ASCC1: variants seen among roughly 807,000 people sequenced by gnomAD.
ASCC1 encodes activating signal cointegrator 1 complex subunit 1, also known as ASC-1 complex subunit P50.
ASCC1 carries 35 observed loss-of-function variants against 46.6 expected under a neutral mutation model. The observed-to-expected ratio is 0.75, with a 90% CI of 0.57 to 0.99. The LOEUF (loss-of-function observed/expected upper bound fraction) is 0.99, where lower values mean the gene tolerates loss of function less well. ASCC1 is among the 50% of genes least tolerant of loss of function. ASCC1 has a pLI of 0.00. For synonymous variants in ASCC1, 143 were observed against 146.6 expected (o/e 0.98, Z 0.18); for missense variants, 376 against 428.7 (o/e 0.88, Z 1.09).
intron 9 of ASCC1, among the ~76,000 whole-genome samples, chr10:72,100,029 A>G (rs1841558967): frequency 2.0e-5 from 3 of 152,074 alleles, no homozygotes; most frequent in Admixed American, 1.3e-4. Context: ...TATTTATTTT[A>G]CCTTTGTAAG....
intron 9 of ASCC1, among the ~76,000 whole-genome samples, chr10:72,114,363 C>T (rs1212801289): frequency 2.0e-5 from 3 of 152,194 alleles, no homozygotes; most frequent in Admixed American, 6.5e-5. Context: ...TGGTGGCTCA[C>T]GCCTATAATC....
At chr10:72,160,717 A>T (rs924427901) in intron 6 of ASCC1, among the ~76,000 whole-genome samples, 45 of 151,230 alleles carry the variant, frequency 3.0e-4, no homozygotes, top group Admixed American at 2.4e-3. Context: ...ATAAAAATAA[A>T]AATAATAATA....
intron 8 of ASCC1, 146 bp downstream of exon 8, chr10:72,132,911 A>C: frequency 2.1e-6 from 2 of 937,360 alleles, no homozygotes; most frequent in Non-Finnish European, 1.6e-6. Flanking sequence ...GTTCTTGCCC[A>C]CCTCTACTAT....
chr10:72,121,529 AAAG>A (rs1177496784), intron 9 of ASCC1, among the ~76,000 whole-genome samples: 3 of 139,106 alleles, frequency 2.2e-5, no homozygotes, highest in Non-Finnish European at 4.4e-5. Context: ...AAAAAAAAAA[AAAG>A]AAAAGTAAAT....
chr10:72,133,233 T>C (rs1214877628), intron 7 of ASCC1, 52 bp from the exon 8 acceptor site: 1 of 1,589,908 alleles, frequency 6.3e-7, no homozygotes, highest in Non-Finnish European at 8.6e-7. Context: ...CTTCTGAACA[T>C]GCGATTACCA....
chr10:72,133,439 T>C (rs1845833268), intron 7 of ASCC1: 2 of 455,710 alleles, frequency 4.4e-6, no homozygotes, highest in East Asian at 9.2e-5. Flanking sequence ...CAACTCTACA[T>C]GGAGAGGGCC....
intron 5 of ASCC1, among the ~76,000 whole-genome samples, chr10:72,163,501 G>A (rs1182924236): frequency 9.2e-5 from 14 of 152,232 alleles, no homozygotes; most frequent in African/African-American, 1.7e-4. Context: ...TTGGGAGGCC[G>A]AGGCAGGCAG....
intron 9 of ASCC1, among the ~76,000 whole-genome samples, chr10:72,099,066 A>G (rs1287334925): frequency 6.6e-6 from 1 of 152,212 alleles, no homozygotes; most frequent in Non-Finnish European, 1.5e-5. Context: ...ACAAAAGAAA[A>G]CTAAAAGGAA....
At chr10:72,136,145 C>T (rs1846159759) in intron 7 of ASCC1, among the ~76,000 whole-genome samples, 1 of 152,184 alleles carries the variant, frequency 6.6e-6, no homozygotes, top group African/African-American at 2.4e-5. Flanking sequence ...GCCTCAGCCT[C>T]CCAAGTTGTT....
chr10:72,127,318 T>C (rs1017019346), intron 9 of ASCC1, among the ~76,000 whole-genome samples: 2 of 152,172 alleles, frequency 1.3e-5, no homozygotes, highest in African/African-American at 4.8e-5. Flanking sequence ...GCATAAATCA[T>C]GAATATTACA....
rs1425334475 is a variant in ASCC1 at position 72,133,163 on chromosome 10, A to G, written c.765T>C (p.Asp255=). ...ATGCCTGAAAACGTTCCAGCACTCG[A>G]TCAACTAATTCTTGTAGCCTGGAGA... ...DGSNRLQELV[D]RVLERFQASG... is the part of the protein sequence containing the mutation. The change falls in exon 8 of 10, where the codon GAT becomes GAC. Residue 255 remains aspartate, a synonymous_variant. Coordinates refer to ENST00000672957, the MANE Select transcript of ASCC1 (RefSeq NM_001198800.3). 1.9e-6 allele frequency: 3 copies of G among 1,614,116 alleles called. No homozygotes were observed. The highest frequency in any genetic ancestry group is 2.5e-6 in the Non-Finnish European group (3 of 1,179,956).
At chr10:72,119,380 A>G (rs928050382) in intron 9 of ASCC1, among the ~76,000 whole-genome samples, 1 of 151,990 alleles carries the variant, frequency 6.6e-6, no homozygotes, top group African/African-American at 2.4e-5. Flanking sequence ...ATGATATCCA[A>G]CTCCAGCCCC....
At chr10:72,103,019 G>T in intron 9 of ASCC1, 3 of 436,986 alleles carry the variant, frequency 6.9e-6, no homozygotes, top group Middle Eastern at 6.7e-4. Context: ...AAATATGTAG[G>T]TATTGACAAC....
chr10:72,112,786 C>T (rs1843060204), intron 9 of ASCC1, among the ~76,000 whole-genome samples: 2 of 148,330 alleles, frequency 1.3e-5, no homozygotes, highest in Admixed American at 1.4e-4. Context: ...GGCTGAAGCA[C>T]GAGAATCACT....
In ASCC1 at chr10:72,149,231, G is replaced by C. The variant is rs542575743; in HGVS notation, c.746+3638C>G. ...AGGTGGACAGAGCACAAGGTCAGGA[G>C]ATCAAGACCATCCTGGCTGACACGG... On this transcript the variant is annotated intron_variant, in intron 7 of 9. Transcript: ENST00000672957. Among the ~76,000 whole-genome samples, 131 of 152,024 alleles carry C rather than the reference G, an allele frequency of 8.6e-4. 1 individual carries two copies. The highest frequency in any genetic ancestry group is 6.3e-4 in the Non-Finnish European group (43 of 67,980).
intron 5 of ASCC1, among the ~76,000 whole-genome samples, chr10:72,166,703 T>G (rs1045189717): frequency 1.3e-5 from 2 of 151,960 alleles, no homozygotes; most frequent in African/African-American, 2.4e-5. Context: ...CTACATCTGA[T>G]AAATATAAAC....
At chr10:72,177,620 T>C (rs1852017261) in intron 5 of ASCC1, among the ~76,000 whole-genome samples, 1 of 152,182 alleles carries the variant, frequency 6.6e-6, no homozygotes, top group African/African-American at 2.4e-5. Flanking sequence ...CTTCAAATGT[T>C]CCACTGCACA....
At chr10:72,107,596 T>G (rs914698462) in intron 9 of ASCC1, among the ~76,000 whole-genome samples, 7 of 152,246 alleles carry the variant, frequency 4.6e-5, no homozygotes, top group African/African-American at 1.7e-4. Context: ...TAATTGAGTC[T>G]GTTTACCCTA....
At chr10:72,206,719 T>C (rs1291131585) in intron 3 of ASCC1, among the ~76,000 whole-genome samples, 5 of 152,284 alleles carry the variant, frequency 3.3e-5, no homozygotes, top group Admixed American at 2.6e-4. Context: ...CATTCCTTTA[T>C]CTATGAGGAA....
Sources: allele counts gnomAD v4.1 joint callset (sites outside exome capture counted in the v4.1 genomes callset), GRCh38; gene constraint gnomAD v4.1.1; transcripts MANE v1.5; gene names NCBI Gene and HGNC (gene_info 2026-07-23, HGNC 2026-07-21).